PITX3: variants seen among roughly 807,000 people sequenced by gnomAD.
PITX3 encodes pituitary homeobox 3.
In PITX3, 4 loss-of-function variants were observed where a neutral mutation model predicts 14.2. That is an observed-to-expected ratio of 0.28 (90% confidence interval 0.14 to 0.65). PITX3 has a LOEUF of 0.65. Among genes scored for constraint, PITX3 ranks in the 30% least tolerant of loss-of-function variants. The pLI, the probability that PITX3 is intolerant of heterozygous loss-of-function variation, is 0.82. For missense variants in PITX3, 358 were observed against 426.8 expected (o/e 0.84, Z 1.42); for synonymous variants, 194 against 204.5 (o/e 0.95, Z 0.44).
chr10:102,236,826 G>A (rs77881998), intron 1 of PITX3, among the ~76,000 whole-genome samples: 39 of 152,160 alleles, frequency 2.6e-4, no homozygotes, highest in African/African-American at 8.2e-4. Flanking sequence ...CTCATTCAGG[G>A]GCTAAATGGA....
chr10:102,238,419 G>A (rs1389689316), intron 1 of PITX3, among the ~76,000 whole-genome samples: 4 of 152,178 alleles, frequency 2.6e-5, no homozygotes, highest in South Asian at 2.1e-4. Flanking sequence ...GAGATATTTG[G>A]CCTGGTAGAC....
At chr10:102,239,249 A>G (rs964468988) in intron 1 of PITX3, among the ~76,000 whole-genome samples, 1 of 152,232 alleles carries the variant, frequency 6.6e-6, no homozygotes, top group African/African-American at 2.4e-5. Context: ...ACAAGGCTTT[A>G]TGCAAGGGTG....
intron 1 of PITX3, among the ~76,000 whole-genome samples, chr10:102,239,875 C>T (rs1018127278): frequency 1.3e-5 from 2 of 152,188 alleles, no homozygotes; most frequent in East Asian, 1.9e-4. Context: ...GAAAGTAAAC[C>T]CGGCTGTTAG....
chr10:102,231,795 G>C lies in PITX3; in HGVS notation c.119-5C>G. ...AAGCCGAGGCCTTTTCTGAGTCTGG[G>C]GGCCAGGGTGGGGGCAGGTCACAGA... On this transcript the variant is annotated splice_polypyrimidine_tract_variant and splice_region_variant and intron_variant, in intron 2 of 3. Transcript: ENST00000370002. 6.3e-7 allele frequency: 1 copy of C among 1,596,612 alleles called. No homozygotes were observed. The highest frequency in any genetic ancestry group is 8.5e-7 in the Non-Finnish European group (1 of 1,175,614).
rs773790002 is a variant in PITX3 at position 102,231,986 on chromosome 10, C to T, written c.95G>A (p.Gly32Asp). 6.2e-7 allele frequency: 1 copy of T among 1,610,704 alleles called. No homozygotes were observed. The highest frequency in any genetic ancestry group is 8.5e-7 in the Non-Finnish European group (1 of 1,179,460). Residue 32 changes from glycine (G) to aspartate (D), a missense_variant, in exon 2 of 4, where the codon GGC becomes GAC. Gly to Asp is a moderately conservative substitution (Grantham distance 94). Around this residue, in one of 3 missense-constraint regions of PITX3, gnomAD observed 72 missense variants for 79.9 expected, o/e 0.90. Coordinates refer to ENST00000370002, the MANE Select transcript of PITX3 (RefSeq NM_005029.4). ...ACCGCTGTGCTCCTGGCCCTTGCAG[C>T]CGTGCTCTGGGAGCTGGGGGTGCGG... ...GTPHPQLPEH[G>D]CKGQEHSDSE...
At position 102,231,024 on chromosome 10, in the gene PITX3, G is replaced by A. The variant is rs1332222854; in HGVS notation, c.399C>T (p.Phe133=). 6.2e-7 allele frequency: 1 copy of A among 1,600,312 alleles called. No homozygotes were observed. Among genetic ancestry groups the A allele is most frequent in the South Asian group, 1.1e-5 (1 of 89,878 alleles). ...SQQAELCKGS[F]AAPLGGLVPP... The stretch of plus-strand genomic sequence containing the variant: ...GCACCAGCCCCCCGAGCGGCGCCGC[G>A]AAGCTGCCTTTGCATAGCTCGGCCT... Residue 133 remains phenylalanine, a synonymous_variant, in exon 4 of 4, where the codon TTC becomes TTT. Coordinates refer to ENST00000370002, the MANE Select transcript of PITX3 (RefSeq NM_005029.4).
At chr10:102,231,197 G>T (rs1310225587) in intron 3 of PITX3, 96 bp from the exon 4 acceptor site, 11 of 1,240,256 alleles carry the variant, frequency 8.9e-6, no homozygotes, top group Non-Finnish European at 1.1e-5. Flanking sequence ...GGGGCCCTGC[G>T]GTCAATAAAC....
At chr10:102,231,823 G>A (rs773879864) in intron 2 of PITX3, 33 bp from the exon 3 acceptor site, 3 of 1,590,142 alleles carry the variant, frequency 1.9e-6, no homozygotes, top group South Asian at 1.1e-5. Flanking sequence ...GTCACAGAGC[G>A]CCCAAGCCAG....
Position 102,230,682 on chromosome 10 carries a change from CGCGGCGGCGGCG to C in PITX3, c.729_740del (p.Ala247_Ala250del). On this transcript the variant is annotated inframe_deletion, in exon 4 of 4. Transcript: ENST00000370002. ...AGACGTAGGGGGAAGAGGCGGCAGC[CGCGGCGGCGGCG>C]GCGGCCGAGGCATAAGGGCAGGACA... 6.3e-7 allele frequency: 1 copy of C among 1,578,618 alleles called. No homozygotes were observed. The highest frequency in any genetic ancestry group is 8.6e-7 in the Non-Finnish European group (1 of 1,163,302).
intron 1 of PITX3, among the ~76,000 whole-genome samples, chr10:102,239,469 T>C (rs1306236493): frequency 6.6e-6 from 1 of 152,196 alleles, no homozygotes; most frequent in Non-Finnish European, 1.5e-5. Context: ...CCCTGAAAAG[T>C]GTATCAGAAT....
At chr10:102,231,168 C>T in intron 3 of PITX3, 67 bp from the exon 4 acceptor site, 1 of 1,405,454 alleles carries the variant, frequency 7.1e-7, no homozygotes, top group African/African-American at 1.5e-5. Flanking sequence ...GGCGGGCCAC[C>T]CCGACGGGGC....
intron 1 of PITX3, among the ~76,000 whole-genome samples, chr10:102,235,766 G>A (rs1340820881): frequency 2.0e-5 from 3 of 152,176 alleles, no homozygotes; most frequent in Non-Finnish European, 2.9e-5. Flanking sequence ...CCCAGACTCT[G>A]TATCCTCCAG....
chr10:102,235,254 G>A (rs1325116149), intron 1 of PITX3, among the ~76,000 whole-genome samples: 1 of 151,434 alleles, frequency 6.6e-6, no homozygotes, highest in Non-Finnish European at 1.5e-5. Context: ...TGTGGGGGAG[G>A]AGCAGGCCAA....
chr10:102,230,637 C>A lies in PITX3; in HGVS notation c.786G>T (p.Ser262=). ...CTTTGAGCCGCAGGCTGGCCAGGCT[C>A]GAGTTACACGGGTCCCGATAGACGT... is the stretch of plus-strand genomic sequence containing the variant. ...SPYVYRDPCN[S]SLASLRLKAK... Residue 262 remains serine (S), a synonymous_variant, in exon 4 of 4, where the codon TCG becomes TCT. Transcript: ENST00000370002. 1 of 1,605,304 alleles carries A rather than the reference C, an allele frequency of 6.2e-7. No homozygotes were observed. Among genetic ancestry groups the A allele is most frequent in the South Asian group, 1.1e-5 (1 of 89,708 alleles).
At chr10:102,237,869 G>A (rs1246571107) in intron 1 of PITX3, among the ~76,000 whole-genome samples, 2 of 151,620 alleles carry the variant, frequency 1.3e-5, no homozygotes, top group East Asian at 1.9e-4. Context: ...CTCCACTCCC[G>A]TACTGCCCTC....
Position 102,231,006 on chromosome 10 carries a change from C to A in PITX3, c.417G>T (p.Gly139=), listed in dbSNP as rs1385973395. ...CKGSFAAPLG[G]LVPPYEEVYP... ...ACACCTCCTCGTAGGGCGGCACCAG[C>A]CCCCCGAGCGGCGCCGCGAAGCTGC... is the stretch of plus-strand genomic sequence containing the variant. The change falls in exon 4 of 4, where the codon GGG becomes GGT. Residue 139 remains glycine, a synonymous_variant. Transcript: ENST00000370002. 1.3e-6 allele frequency: 2 copies of A among 1,598,742 alleles called. No individual in the cohort carries two copies. Among genetic ancestry groups the A allele is most frequent in the African/African-American group, 1.3e-5 (1 of 74,474 alleles).
rs1276060552 is a variant in PITX3, at chr10:102,230,816, C to T, written c.607G>A (p.Ala203Thr). ...CCTGGCACGGTGCCCGGGGCAGCCG[C>T]GGCGGAGGGCACCATGGAGGCGGCG... ...SIAASMVPSA[A>T]AAPGTVPGPG... The change falls in exon 4 of 4, where the codon GCG becomes ACG. Residue 203 changes from alanine to threonine, a missense_variant. Transcript: ENST00000370002. 2 of 1,564,454 alleles carry T rather than the reference C, an allele frequency of 1.3e-6. No individual in the cohort carries two copies. The highest frequency in any genetic ancestry group is 2.3e-5 in the South Asian group (2 of 85,378).
In PITX3 at chr10:102,231,062, C is replaced by G. The variant is rs752548559; in HGVS notation, c.361G>C (p.Glu121Gln). The change falls in exon 4 of 4, where the codon GAG (glutamate) becomes CAG (glutamine). Residue 121 changes from glutamate (E) to glutamine (Q), a missense_variant. Glu to Gln is a conservative substitution (Grantham distance 29, BLOSUM62 2). Coordinates refer to ENST00000370002, the MANE Select transcript of PITX3 (RefSeq NM_005029.4). The part of the protein sequence containing the change: ...KNRRAKWRKR[E>Q]RSQQAELCKG... ...CATAGCTCGGCCTGCTGGCTGCGCT[C>G]GCGCTTCCGCCATTTGGCGCGCCGG... 1 of 1,571,180 alleles carries G rather than the reference C, an allele frequency of 6.4e-7. No homozygotes were observed. Among genetic ancestry groups the G allele is most frequent in the South Asian group, 1.1e-5 (1 of 87,458 alleles).
At chr10:102,231,550 G>T (rs943070943) in intron 3 of PITX3, 38 bp downstream of exon 3, 3 of 1,379,378 alleles carry the variant, frequency 2.2e-6, no homozygotes, top group African/African-American at 1.4e-5. Flanking sequence ...AGCGCGGAGG[G>T]CCCGCGCGGG....
Sources: allele counts gnomAD v4.1 joint callset (sites outside exome capture counted in the v4.1 genomes callset), GRCh38; gene constraint gnomAD v4.1.1; regional missense constraint gnomAD v4.1.1; transcripts MANE v1.5; gene names NCBI Gene and HGNC (gene_info 2026-07-23, HGNC 2026-07-21).